ADAM18: variants seen among roughly 807,000 people sequenced by gnomAD.
ADAM18 encodes ADAM metallopeptidase domain 18.
ADAM18 carries 117 observed loss-of-function variants against 94.4 expected under a neutral mutation model. The observed-to-expected ratio is 1.24, with a 90% confidence interval of 1.07 to 1.45. The LOEUF (loss-of-function observed/expected upper bound fraction) is 1.45. ADAM18 is among the 40% of genes most tolerant of loss of function. The probability of loss-of-function intolerance (pLI) is 0.00; values close to 1 mark genes in which losing one functional copy is unlikely to be tolerated. For synonymous variants in ADAM18, 327 were observed against 291.6 expected, an observed-to-expected ratio of 1.12 and a Z score of -1.24; for missense variants, 936 against 880.0, an observed-to-expected ratio of 1.06 and a Z score of -0.81.
chr8:39,663,598 C>CAAAAAAAAAAAA (rs10597769), intron 12 of ADAM18, among the ~76,000 whole-genome samples, 197 bp from the exon 13 acceptor site: 16 of 19,576 alleles, frequency 8.2e-4, no homozygotes, highest in South Asian at 2.3e-3. Context: ...AATCCTGTCT[C>CAAAAAAAAAAAA]AAAAAAAAAA....
intron 2 of ADAM18, among the ~76,000 whole-genome samples, chr8:39,595,912 A>G (rs1156880130): frequency 1.3e-5 from 2 of 152,114 alleles, no homozygotes; most frequent in Non-Finnish European, 1.5e-5. Context: ...TTATTTTTCA[A>G]TTATATTCCC....
intron 12 of ADAM18, among the ~76,000 whole-genome samples, chr8:39,656,276 T>A (rs930612538): frequency 1.3e-5 from 2 of 151,984 alleles, no homozygotes; most frequent in African/African-American, 4.8e-5. Context: ...GGCAGTATGG[T>A]ATATGTGCCT....
chr8:39,677,521 T>A lies in ADAM18; in HGVS notation c.1616T>A (p.Leu539Ter), dbSNP rs1290066865. ...ENCGFKNSQP[L>*]PCERKDVLCG... ...TGTGGTTTTAAAAATTCACAACCAT[T>A]ACCTTGTGAACGGAAGTACGTATGT... The change falls in exon 15 of 20, where the codon TTA becomes TAA. Residue 539 changes from leucine to a stop codon, truncating the protein, a stop_gained. Transcript: ENST00000265707. LOFTEE classifies it high-confidence loss of function. 1 of 1,602,598 alleles carries A rather than the reference T, an allele frequency of 6.2e-7. No individual in the cohort carries two copies. The highest frequency in any genetic ancestry group is 2.2e-5 in the East Asian group (1 of 44,568).
At chr8:39,637,185 C>A in intron 7 of ADAM18, 79 bp from the exon 8 acceptor site, 2 of 1,129,514 alleles carry the variant, frequency 1.8e-6, no homozygotes, top group Non-Finnish European at 2.5e-6. Flanking sequence ...CTTATAATAT[C>A]TAATACAATG....
chr8:39,599,404 C>G (rs1413769790), intron 2 of ADAM18, among the ~76,000 whole-genome samples: 3 of 152,122 alleles, frequency 2.0e-5, no homozygotes, highest in Admixed American at 1.3e-4. Context: ...GTGCTTCTAT[C>G]TCTTGAAAGA....
At position 39,669,372 on chromosome 8, in the gene ADAM18, G is replaced by T. The variant is rs1394618219; in HGVS notation, c.1525+1176G>T. Among the ~76,000 whole-genome samples the T allele has an allele frequency of 2.7e-5, 4 of 150,156 alleles. 1 individual carries two copies. In the East Asian group the frequency reaches 7.8e-4, roughly 29 times the overall value. On this transcript the variant is annotated intron_variant, in intron 14 of 19. Transcript: ENST00000265707. ...GTACATGTGCACAACATGCAGGTTT[G>T]TTATATATGTATACATGTGCCATGT...
chr8:39,683,352 G>A (rs1257660298), intron 16 of ADAM18, among the ~76,000 whole-genome samples: 1 of 152,200 alleles, frequency 6.6e-6, no homozygotes, highest in Non-Finnish European at 1.5e-5. Flanking sequence ...TGAAGCAAAA[G>A]ACCAAGCTAT....
chr8:39,618,013 A>T (rs1299270381), intron 6 of ADAM18, among the ~76,000 whole-genome samples: 1 of 152,250 alleles, frequency 6.6e-6, no homozygotes, highest in Non-Finnish European at 1.5e-5. Flanking sequence ...TAATAAAACC[A>T]GAAACCCTAA....
chr8:39,628,968 C>A (rs1819853930), intron 6 of ADAM18, among the ~76,000 whole-genome samples: 1 of 151,952 alleles, frequency 6.6e-6, no homozygotes, highest in Admixed American at 6.6e-5. Flanking sequence ...TCAGTGGAGA[C>A]TATGAGTTCT....
At chr8:39,651,029 G>C (rs76687958) in intron 12 of ADAM18, among the ~76,000 whole-genome samples, 6,411 of 129,018 alleles carry the variant, frequency 0.05, no homozygotes, top group Non-Finnish European at 0.055. Flanking sequence ...AATAGGGTAA[G>C]AGTGGAGAGA....
chr8:39,707,349 T>C (rs1822267781), intron 18 of ADAM18, among the ~76,000 whole-genome samples: 1 of 152,218 alleles, frequency 6.6e-6, no homozygotes, highest in South Asian at 2.1e-4. Context: ...TTGCAATAAA[T>C]GGCTCACTCA....
Position 39,610,570 on chromosome 8 carries a change from C to T in ADAM18, c.386C>T (p.Pro129Leu). ...GAAAATATCAGTTATGGAATTGAACCAGTAGAATCTTCAGCAAGATTTGAG... is the reference window on the plus strand; with the variant it reads ...GAAAATATCAGTTATGGAATTGAACTAGTAGAATCTTCAGCAAGATTTGAG... ...QFENISYGIE[P>L]VESSARFEHI... The change falls in exon 6 of 20, where the codon CCA (proline) becomes CTA (leucine). Residue 129 changes from proline to leucine, a missense_variant. Transcript: ENST00000265707. 1 of 1,610,486 alleles carries T rather than the reference C, an allele frequency of 6.2e-7. No individual in the cohort carries two copies. The highest frequency in any genetic ancestry group is 8.5e-7 in the Non-Finnish European group (1 of 1,178,070).
intron 13 of ADAM18, 141 bp from the exon 14 acceptor site, chr8:39,667,857 T>C: frequency 2.6e-6 from 2 of 755,894 alleles, no homozygotes; most frequent in Non-Finnish European, 4.2e-6. Flanking sequence ...TTGATTTTTT[T>C]TGGCAAACTC....
intron 12 of ADAM18, among the ~76,000 whole-genome samples, chr8:39,659,638 A>G (rs190062911): frequency 6.6e-6 from 1 of 152,234 alleles, no homozygotes; most frequent in Non-Finnish European, 1.5e-5. Flanking sequence ...CCATGCACGT[A>G]TCCATAGTTC....
intron 16 of ADAM18, among the ~76,000 whole-genome samples, chr8:39,690,416 G>A (rs1365643359): frequency 6.6e-6 from 1 of 152,094 alleles, no homozygotes; most frequent in Non-Finnish European, 1.5e-5. Flanking sequence ...CAGGTGTAGT[G>A]GGAATGTCAT....
intron 17 of ADAM18, among the ~76,000 whole-genome samples, chr8:39,696,803 A>T (rs1398903413): frequency 6.6e-6 from 1 of 151,534 alleles, no homozygotes; most frequent in African/African-American, 2.4e-5. Flanking sequence ...AGTATAAGTT[A>T]TTCAACTTTA....
intron 16 of ADAM18, among the ~76,000 whole-genome samples, chr8:39,686,329 T>C (rs181642169): frequency 3.9e-5 from 6 of 152,306 alleles, no homozygotes; most frequent in Non-Finnish European, 5.9e-5. Flanking sequence ...TTAACAGTTT[T>C]TGAGGCTGGG....
At chr8:39,658,084 A>C (rs1247571706) in intron 12 of ADAM18, among the ~76,000 whole-genome samples, 1 of 152,116 alleles carries the variant, frequency 6.6e-6, no homozygotes, top group African/African-American at 2.4e-5. Context: ...TACCAATGGC[A>C]CTCCTGCTGA....
intron 16 of ADAM18, among the ~76,000 whole-genome samples, chr8:39,689,434 C>T (rs151338122): frequency 4.6e-5 from 7 of 152,308 alleles, no homozygotes; most frequent in South Asian, 2.1e-4. Context: ...ATCCCGGCAT[C>T]ATTTATTGAA....
Sources: allele counts gnomAD v4.1 joint callset (sites outside exome capture counted in the v4.1 genomes callset), GRCh38; gene constraint gnomAD v4.1.1; transcripts MANE v1.5; gene names NCBI Gene and HGNC (gene_info 2026-07-23, HGNC 2026-07-21).